Variants in GLRX2 observed in about 807,000 individuals in gnomAD.
GLRX2 encodes glutaredoxin 2, also known as bA101E13.1 (GRX2 glutaredoxin (thioltransferase) 2).
A neutral mutation model predicts 16.4 loss-of-function variants in GLRX2; 12 were observed. That is an observed-to-expected ratio of 0.73 (90% confidence interval 0.47 to 1.19). The LOEUF (loss-of-function observed/expected upper bound fraction) is 1.19. Among genes scored for constraint, GLRX2 ranks in the 50% most tolerant of loss-of-function variants. The probability of loss-of-function intolerance (pLI) is 0.00; values close to 1 mark genes in which losing one functional copy is unlikely to be tolerated. For synonymous variants in GLRX2, 95 were observed against 76.2 expected (o/e 1.25, Z -1.28); for missense variants, 201 against 201.8 (o/e 1.00, Z 0.02).
At chr1:193,102,829 C>A (rs956459236) in intron 1 of GLRX2, among the ~76,000 whole-genome samples, 1 of 152,056 alleles carries the variant, frequency 6.6e-6, no homozygotes, top group Non-Finnish European at 1.5e-5. Context: ...GAAAATAGTT[C>A]GTAAGTTTTA....
At chr1:193,104,466 G>C (rs957370442) in intron 1 of GLRX2, among the ~76,000 whole-genome samples, 3 of 152,192 alleles carry the variant, frequency 2.0e-5, no homozygotes, top group African/African-American at 7.2e-5. Flanking sequence ...CTTCAGGAGG[G>C]GTCTCTAGCT....
chr1:193,104,760 A>C (rs1234535982), intron 1 of GLRX2, among the ~76,000 whole-genome samples: 1 of 152,268 alleles, frequency 6.6e-6, no homozygotes, highest in Non-Finnish European at 1.5e-5. Flanking sequence ...GTCAGCCTCT[A>C]TCCTAAAAGC....
At chr1:193,102,090 T>C (rs1444746265) in intron 1 of GLRX2, among the ~76,000 whole-genome samples, 1 of 152,146 alleles carries the variant, frequency 6.6e-6, no homozygotes, top group East Asian at 1.9e-4. Flanking sequence ...GATTATGACA[T>C]ATAATAGATG....
In GLRX2 at chr1:193,105,326, G is replaced by C; in HGVS notation, c.57C>G (p.Gly19=). The C allele has an allele frequency of 6.5e-7, 1 of 1,544,546 alleles. No homozygotes were observed. The highest frequency in any genetic ancestry group is 2.5e-5 in the East Asian group (1 of 40,290). ...CCGCCCTGTCAAGCCAGCCTGCCGA[G>C]CCGCTCCTGCTCCAAACCAGCCGCG... The part of the protein sequence containing the change: ...AGTRLVWSRS[G]SAGWLDRAAG... The change falls in exon 1 of 4, where the codon GGC becomes GGG. Residue 19 remains glycine, a synonymous_variant. Transcript: ENST00000367439.
intron 2 of GLRX2, 99 bp downstream of exon 2, chr1:193,101,042 C>G (rs1232928472): frequency 3.8e-6 from 3 of 785,680 alleles, no homozygotes; most frequent in Non-Finnish European, 2.3e-6. Flanking sequence ...ATTTGCTAAA[C>G]TATCTCAAGT....
intron 1 of GLRX2, among the ~76,000 whole-genome samples, chr1:193,102,645 G>A (rs1448597671): frequency 8.5e-5 from 13 of 152,066 alleles, no homozygotes; most frequent in Admixed American, 5.9e-4. Context: ...AAGCCACCGC[G>A]CCTGGCCTGA....
intron 1 of GLRX2, among the ~76,000 whole-genome samples, chr1:193,103,923 A>C (rs566367908): frequency 6.6e-6 from 1 of 152,188 alleles, no homozygotes; most frequent in Non-Finnish European, 1.5e-5. Flanking sequence ...AAGAAAGTTG[A>C]GTTCCTGAAG....
At chr1:193,105,508 GC>G, upstream of GLRX2, 2 of 1,449,180 alleles carry the variant, frequency 1.4e-6, no homozygotes, top group Non-Finnish European at 1.8e-6. Context: ...CCGCGCCGCC[GC>G]CGGTCACCTC....
In GLRX2 at chr1:193,096,586, A is replaced by G. The variant is rs775829297; in HGVS notation, c.*39T>C. 6 of 1,260,788 alleles carry G rather than the reference A, an allele frequency of 4.8e-6. No individual in the cohort carries two copies. The highest frequency in any genetic ancestry group is 2.3e-4 in the Middle Eastern group (1 of 4,384). The allele number at this position is 1,260,788 out of a possible 1,614,324, so 78.1% of individuals were successfully genotyped here. On this transcript the variant is annotated 3_prime_UTR_variant, in exon 4 of 4. Transcript: ENST00000367439. ...ACATTATCGGGCATTACCACTTTAA[A>G]TAACTGACACTGTACTAGCAAACTT... is the stretch of plus-strand genomic sequence containing the variant.
chr1:193,096,729 T>C lies in GLRX2; in HGVS notation c.391A>G (p.Ile131Val). The change falls in exon 4 of 4, where the codon ATT becomes GTT. Residue 131 changes from isoleucine to valine, a missense_variant. Coordinates refer to ENST00000367439, the MANE Select transcript of GLRX2 (RefSeq NM_197962.3). ...CTATGAGTGTCAGTTGCACCTCCAA[T>C]AAAAGTACCATTGACAAATATTCTT... is the stretch of plus-strand genomic sequence containing the variant. ...VPRIFVNGTF[I>V]GGATDTHRLH... 1 of 1,611,562 alleles carries C rather than the reference T, an allele frequency of 6.2e-7. No homozygotes were observed. The highest frequency in any genetic ancestry group is 1.1e-5 in the South Asian group (1 of 90,724).
intron 1 of GLRX2, among the ~76,000 whole-genome samples, chr1:193,103,581 G>A (rs1675122290): frequency 6.6e-6 from 1 of 152,042 alleles, no homozygotes; most frequent in African/African-American, 2.4e-5. Context: ...AGTACTATCC[G>A]AGGTTTTAGG....
chr1:193,105,191 G>A (rs981515045), intron 1 of GLRX2, 73 bp downstream of exon 1: 1 of 1,464,530 alleles, frequency 6.8e-7, no homozygotes, highest in African/African-American at 1.5e-5. Flanking sequence ...GGGCACCTCC[G>A]CCCACCGCTT....
chr1:193,097,745 T>G lies in GLRX2; in HGVS notation c.199A>C (p.Asn67His). Residue 67 changes from asparagine (N) to histidine (H), a missense_variant, in exon 3 of 4, where the codon AAT becomes CAT. Asn to His is a moderately conservative substitution (Grantham distance 68, BLOSUM62 1). Coordinates refer to ENST00000367439, the MANE Select transcript of GLRX2 (RefSeq NM_197962.3). ...VNQIQETISDNCVVIFSKTSC... is the reference protein window; with the variant it reads ...VNQIQETISDHCVVIFSKTSC... Reference sequence around the variant, plus strand: ...GTTTTTGAGAAAATCACCACACAATTATCAGAAATTGTTTCCTGAAATAAA... The same window carrying G: ...GTTTTTGAGAAAATCACCACACAATGATCAGAAATTGTTTCCTGAAATAAA... The G allele has an allele frequency of 1.3e-6, 2 of 1,583,638 alleles. No homozygotes were observed. Among genetic ancestry groups the G allele is most frequent in the East Asian group, 4.5e-5 (2 of 44,208 alleles).
At chr1:193,096,787 G>A in intron 3 of GLRX2, 28 bp from the exon 4 acceptor site, 1 of 1,571,228 alleles carries the variant, frequency 6.4e-7, no homozygotes, top group Non-Finnish European at 8.7e-7. Context: ...GAAGAATTAG[G>A]CTTTACTCTA....
chr1:193,097,212 G>T (rs1206403005), intron 3 of GLRX2, among the ~76,000 whole-genome samples: 1 of 152,188 alleles, frequency 6.6e-6, no homozygotes, highest in Non-Finnish European at 1.5e-5. Context: ...CAAATTTCAA[G>T]AATCTAAAAA....
chr1:193,105,210 C>A (rs1270222488), intron 1 of GLRX2, 54 bp downstream of exon 1: 13 of 1,510,552 alleles, frequency 8.6e-6, no homozygotes, highest in Admixed American at 6.1e-5. Flanking sequence ...TTTCTCCAGA[C>A]CCCCGCAAGG....
intron 2 of GLRX2, among the ~76,000 whole-genome samples, chr1:193,099,137 C>T (rs2103098609): frequency 6.6e-6 from 1 of 152,312 alleles, no homozygotes; most frequent in South Asian, 2.1e-4. Context: ...TAAAAAACCT[C>T]TCCATATAAT....
chr1:193,105,581 ACG>A, upstream of GLRX2: 3 of 1,606,598 alleles, frequency 1.9e-6, no homozygotes, highest in Non-Finnish European at 2.5e-6. Context: ...AGTGCCACCC[ACG>A]TGTAAACATC....
chr1:193,099,285 CA>C (rs1340380377), intron 2 of GLRX2, among the ~76,000 whole-genome samples: 2 of 152,058 alleles, frequency 1.3e-5, no homozygotes, highest in African/African-American at 2.4e-5. Context: ...CTGGGACCTT[CA>C]AAAGATTTTG....
Sources: allele counts gnomAD v4.1 joint callset (sites outside exome capture counted in the v4.1 genomes callset), GRCh38; gene constraint gnomAD v4.1.1; transcripts MANE v1.5; gene names NCBI Gene and HGNC (gene_info 2026-07-23, HGNC 2026-07-21).